Variants in INSC observed in about 807,000 individuals in gnomAD.
INSC encodes protein inscuteable homolog.
Under a neutral mutation model 58.6 loss-of-function variants are expected in INSC, and 67 were observed. The observed-to-expected ratio is 1.14, with a 90% confidence interval of 0.94 to 1.40. INSC has a LOEUF of 1.40. Among genes scored for constraint, INSC ranks in the 40% most tolerant of loss-of-function variants. The pLI is 0.00. For missense variants in INSC, 714 were observed against 692.0 expected, an observed-to-expected ratio of 1.03 and a Z score of -0.36; for synonymous variants, 262 against 276.1, an observed-to-expected ratio of 0.95 and a Z score of 0.51.
intron 1 of INSC, among the ~76,000 whole-genome samples, chr11:15,117,422 G>C (rs552011419): frequency 4.8e-4 from 73 of 152,114 alleles, no homozygotes; most frequent in Non-Finnish European, 9.4e-4. Context: ...TTAAAAAAGG[G>C]CAGGCTATGG....
Position 15,149,228 on chromosome 11 carries a change from G to A in INSC, c.54G>A (p.Gln18=). Residue 18 remains glutamine (Q), a splice_region_variant and synonymous_variant, in exon 2 of 13, where the codon CAG becomes CAA. Transcript: ENST00000379556. ...TGGACTCCGTCACCCTGCCGGGTCAGCGGTAAGTCCTACAGCTGTCACTCC... is the reference window on the plus strand; with the variant it reads ...TGGACTCCGTCACCCTGCCGGGTCAACGGTAAGTCCTACAGCTGTCACTCC... The part of the protein sequence containing the change: ...RHLDSVTLPG[Q]RLHLMQVDSV... 6.2e-7 allele frequency: 1 copy of A among 1,604,872 alleles called. No individual in the cohort carries two copies. Among genetic ancestry groups the A allele is most frequent in the Non-Finnish European group, 8.5e-7 (1 of 1,175,912 alleles).
At chr11:15,137,217 C>A (rs1192879875) in intron 1 of INSC, among the ~76,000 whole-genome samples, 3 of 152,154 alleles carry the variant, frequency 2.0e-5, no homozygotes, top group Admixed American at 2.0e-4. Flanking sequence ...GTGCTGTCAT[C>A]TAGGCTTTGA....
chr11:15,228,269 T>G (rs936426879), intron 9 of INSC, among the ~76,000 whole-genome samples: 4 of 152,214 alleles, frequency 2.6e-5, no homozygotes, highest in African/African-American at 9.6e-5. Flanking sequence ...TCTGTCTCTA[T>G]GTGTAGAAGT....
chr11:15,255,680 AC>A, the INSC span, among the ~76,000 whole-genome samples: 1 of 151,902 alleles, frequency 6.6e-6, no homozygotes, highest in African/African-American at 2.4e-5. Flanking sequence ...GCTATCAATA[AC>A]TGATAAAAAC....
At chr11:15,210,046 G>A (rs1850959421) in intron 7 of INSC, among the ~76,000 whole-genome samples, 1 of 152,210 alleles carries the variant, frequency 6.6e-6, no homozygotes, top group African/African-American at 2.4e-5. Flanking sequence ...GTCTCAAAGA[G>A]ACTTAGGGAG....
At chr11:15,268,469 A>C in the INSC span, among the ~76,000 whole-genome samples, 1 of 152,102 alleles carries the variant, frequency 6.6e-6, no homozygotes, top group Admixed American at 6.6e-5. Context: ...TCAGTGAAGG[A>C]TCATTAACTG....
intron 6 of INSC, 66 bp from the exon 7 acceptor site, chr11:15,200,758 T>A: frequency 6.2e-7 from 1 of 1,602,836 alleles, no homozygotes; most frequent in Admixed American, 1.7e-5. Context: ...GGATGTCACT[T>A]ATTCTTGAGT....
intron 6 of INSC, among the ~76,000 whole-genome samples, chr11:15,195,899 G>A (rs1850352521): frequency 6.6e-6 from 1 of 152,224 alleles, no homozygotes; most frequent in Non-Finnish European, 1.5e-5. Context: ...GACTTTCCCA[G>A]TGTTTTCATG....
chr11:15,170,518 C>T (rs1212115683), intron 2 of INSC, among the ~76,000 whole-genome samples: 1 of 152,172 alleles, frequency 6.6e-6, no homozygotes, highest in Admixed American at 6.6e-5. Context: ...AAGAATGCTA[C>T]AAGATGAAGT....
intron 2 of INSC, among the ~76,000 whole-genome samples, chr11:15,161,056 G>T (rs957958726): frequency 6.6e-6 from 1 of 152,200 alleles, no homozygotes; most frequent in Non-Finnish European, 1.5e-5. Flanking sequence ...AGTGTGCTTG[G>T]AACTATGCTA....
At chr11:15,192,352 T>C (rs1341562462) in intron 6 of INSC, among the ~76,000 whole-genome samples, 1 of 152,210 alleles carries the variant, frequency 6.6e-6, no homozygotes, top group African/African-American at 2.4e-5. Flanking sequence ...TTTTTGCCAC[T>C]TGGAAAACTC....
At chr11:15,240,553 C>G in intron 12 of INSC, 30 bp downstream of exon 12, 1 of 1,596,458 alleles carries the variant, frequency 6.3e-7, no homozygotes, top group East Asian at 2.3e-5. Context: ...CCAGCTTTTC[C>G]CCTGGCCTTC....
At position 15,175,818 on chromosome 11, in the gene INSC, G is replaced by A; in HGVS notation, c.134G>A (p.Cys45Tyr). 1 of 1,610,376 alleles carries A rather than the reference G, an allele frequency of 6.2e-7. No homozygotes were observed. ...LKLMTECECM[C>Y]VLQAKPISLE... Reference sequence around the variant, plus strand: ...CTCATGACCGAGTGCGAGTGCATGTGTGTCCTGCAGGCCAAGCCCATCAGC... The same window carrying A: ...CTCATGACCGAGTGCGAGTGCATGTATGTCCTGCAGGCCAAGCCCATCAGC... Residue 45 changes from cysteine to tyrosine, a missense_variant, in exon 3 of 13, where the codon TGT (cysteine) becomes TAT (tyrosine). By Grantham distance (194) the Cys-to-Tyr change is radical. Transcript: ENST00000379556.
At chr11:15,137,138 A>T (rs1338497927) in intron 1 of INSC, among the ~76,000 whole-genome samples, 1 of 152,066 alleles carries the variant, frequency 6.6e-6, no homozygotes, top group Non-Finnish European at 1.5e-5. Context: ...TGAAAGGAAT[A>T]TTTTTTTTCT....
At chr11:15,218,571 T>C (rs916777833) in intron 7 of INSC, among the ~76,000 whole-genome samples, 3 of 152,122 alleles carry the variant, frequency 2.0e-5, no homozygotes, top group Non-Finnish European at 4.4e-5. Context: ...TCTATATATA[T>C]ATATGTACAT....
intron 7 of INSC, among the ~76,000 whole-genome samples, chr11:15,215,876 G>T (rs569005275): frequency 3.0e-4 from 46 of 152,298 alleles, no homozygotes; most frequent in African/African-American, 1.1e-3. Context: ...CATCTGACCA[G>T]CTCTGAGAGG....
At chr11:15,133,511 C>T (rs532739653) in intron 1 of INSC, among the ~76,000 whole-genome samples, 1 of 152,316 alleles carries the variant, frequency 6.6e-6, no homozygotes, top group African/African-American at 2.4e-5. Flanking sequence ...GTCATTAATT[C>T]TCAACTCTCA....
intron 7 of INSC, among the ~76,000 whole-genome samples, chr11:15,206,107 A>T (rs547409296): frequency 2.6e-5 from 4 of 151,834 alleles, no homozygotes; most frequent in African/African-American, 7.2e-5. Flanking sequence ...ATCTGACATC[A>T]CTCCTCATTC....
intron 1 of INSC, among the ~76,000 whole-genome samples, chr11:15,126,304 A>G (rs1456421624): frequency 6.6e-6 from 1 of 152,220 alleles, no homozygotes; most frequent in Non-Finnish European, 1.5e-5. Context: ...TCCTAGATGC[A>G]ATGGTGTGGG....
Sources: gnomAD v4.1 joint callset for allele counts (sites outside exome capture counted in the v4.1 genomes callset) on GRCh38, gnomAD v4.1.1 for gene constraint, MANE v1.5 for transcripts, NCBI Gene and HGNC (gene_info 2026-07-23, HGNC 2026-07-21) for gene names.